ZNF723: variants seen among roughly 807,000 people sequenced by gnomAD.
ZNF723 encodes the protein zinc finger protein 723.
ZNF723 carries 5 observed loss-of-function variants against 9.4 expected under a neutral mutation model. That is an observed-to-expected ratio of 0.53 (90% CI 0.28 to 1.12). The LOEUF (loss-of-function observed/expected upper bound fraction) is 1.12, where lower values mean the gene tolerates loss of function less well. Ranked by LOEUF, ZNF723 falls within the 50% of genes most tolerant of loss-of-function variation. ZNF723 has a pLI of 0.10. For missense variants in ZNF723, 450 were observed against 501.5 expected, an observed-to-expected ratio of 0.90 and a Z score of 0.98; for synonymous variants, 158 against 168.8, an observed-to-expected ratio of 0.94 and a Z score of 0.49.
chr19:22,855,230 CTTTT>C (rs71163413), intron 3 of ZNF723, among the ~76,000 whole-genome samples: 3 of 135,242 alleles, frequency 2.2e-5, no homozygotes, highest in Non-Finnish European at 3.2e-5. Context: ...TATGTGTTTT[CTTTT>C]TTTTTTTTTT....
chr19:22,825,979 G>A, the ZNF723 span, among the ~76,000 whole-genome samples: 1 of 152,220 alleles, frequency 6.6e-6, no homozygotes, highest in African/African-American at 2.4e-5. Context: ...TGACTCTCCT[G>A]CCTTAGCCTT....
chr19:22,827,196 A>C, the ZNF723 span, among the ~76,000 whole-genome samples: 1 of 151,802 alleles, frequency 6.6e-6, no homozygotes, highest in Admixed American at 6.6e-5. Flanking sequence ...TAAATAATAG[A>C]ATTTCTTTTG....
chr19:22,828,612 TATTCC>T (rs1967062003), upstream of ZNF723, among the ~76,000 whole-genome samples: 1 of 151,908 alleles, frequency 6.6e-6, no homozygotes, highest in African/African-American at 2.4e-5. Context: ...GAGATTGTGC[TATTCC>T]ACTCCAGCCT....
the ZNF723 span, among the ~76,000 whole-genome samples, chr19:22,824,760 G>A: frequency 6.6e-6 from 1 of 152,136 alleles, no homozygotes; most frequent in South Asian, 2.1e-4. Flanking sequence ...ACATGTAAAT[G>A]CTGTTCACAG....
intron 1 of ZNF723, among the ~76,000 whole-genome samples, chr19:22,838,828 A>G (rs1047076931): frequency 2.0e-5 from 3 of 151,568 alleles, no homozygotes; most frequent in South Asian, 4.2e-4. Context: ...GCTCACCGCA[A>G]CCTCTGCCTC....
the ZNF723 span, among the ~76,000 whole-genome samples, chr19:22,813,841 T>C: frequency 6.6e-6 from 1 of 151,364 alleles, no homozygotes; most frequent in Non-Finnish European, 1.5e-5. Flanking sequence ...AGATGGAGTG[T>C]TGCTCTGTTG....
At chr19:22,823,069 C>A in the ZNF723 span, among the ~76,000 whole-genome samples, 1 of 152,184 alleles carries the variant, frequency 6.6e-6, no homozygotes, top group East Asian at 1.9e-4. Context: ...ATAGTGAGAA[C>A]TCTCACACCT....
chr19:22,819,781 C>T, the ZNF723 span, among the ~76,000 whole-genome samples: 1 of 152,248 alleles, frequency 6.6e-6, no homozygotes, highest in Non-Finnish European at 1.5e-5. Flanking sequence ...TGTGACTGTC[C>T]CATACTGGAT....
chr19:22,814,109 G>A, the ZNF723 span, among the ~76,000 whole-genome samples: 3 of 152,106 alleles, frequency 2.0e-5, no homozygotes, highest in Admixed American at 1.3e-4. Context: ...ACCACGCCCG[G>A]CCAGCAAAAC....
the ZNF723 span, among the ~76,000 whole-genome samples, chr19:22,816,513 G>A: frequency 1.3e-5 from 2 of 152,160 alleles, no homozygotes; most frequent in Admixed American, 1.3e-4. Flanking sequence ...AGGAGGTGGC[G>A]CCTCTTATAC....
intron 1 of ZNF723, chr19:22,840,710 A>G (rs1041047406): frequency 2.6e-5 from 4 of 152,130 alleles, no homozygotes; most frequent in African/African-American, 4.8e-5. Flanking sequence ...CAGAAGCCCT[A>G]TTAGTATCCC....
chr19:22,857,526 T>A lies in ZNF723; in HGVS notation c.635T>A (p.Val212Glu), dbSNP rs1349295173. Residue 212 changes from valine (V) to glutamate (E), a missense_variant, in exon 4 of 4, where the codon GTG becomes GAG. Physicochemically the swap from Val to Glu is moderately radical, Grantham distance 121. Transcript: ENST00000600766. The stretch of plus-strand genomic sequence containing the variant: ...GAAGAATGTGGCAAAGCCTTTAGTG[T>A]GCCCTCAAAGCTTAATAATCATAAG... ...KCEECGKAFS[V>E]PSKLNNHKRI... 1.6e-6 allele frequency: 2 copies of A among 1,233,954 alleles called. No individual in the cohort carries two copies. The highest frequency in any genetic ancestry group is 3.0e-5 in the African/African-American group (2 of 67,442). The allele number at this position is 1,233,954 out of a possible 1,614,324, so 76.4% of individuals were successfully genotyped here. A position where few individuals can be genotyped will look rare whatever the true frequency, so the allele number is the denominator to read the frequency against.
the ZNF723 span, among the ~76,000 whole-genome samples, chr19:22,814,212 T>G: frequency 7.3e-3 from 1,107 of 152,270 alleles, 13 homozygotes; most frequent in African/African-American, 0.026. Flanking sequence ...CTTAATTACC[T>G]TAGATGCACT....
the ZNF723 span, among the ~76,000 whole-genome samples, chr19:22,819,875 C>T: frequency 6.6e-6 from 1 of 152,260 alleles, no homozygotes; most frequent in Non-Finnish European, 1.5e-5. Flanking sequence ...CCAGGCCCTG[C>T]ATACATTGTG....
the ZNF723 span, among the ~76,000 whole-genome samples, chr19:22,818,766 T>A: frequency 6.6e-6 from 1 of 152,260 alleles, no homozygotes; most frequent in South Asian, 2.1e-4. Flanking sequence ...GCAATTATAT[T>A]TTTCTCCCTT....
intron 1 of ZNF723, among the ~76,000 whole-genome samples, chr19:22,842,167 G>A (rs1456150263): frequency 1.3e-5 from 2 of 152,132 alleles, no homozygotes; most frequent in Non-Finnish European, 2.9e-5. Context: ...ATAACAGCTG[G>A]CTAATTTTTG....
chr19:22,817,415 G>A, the ZNF723 span, among the ~76,000 whole-genome samples: 1 of 152,056 alleles, frequency 6.6e-6, no homozygotes, highest in African/African-American at 2.4e-5. Context: ...CATTATGTAT[G>A]AGATGTGACT....
the ZNF723 span, among the ~76,000 whole-genome samples, chr19:22,816,097 T>C: frequency 6.6e-6 from 1 of 152,222 alleles, no homozygotes; most frequent in Non-Finnish European, 1.5e-5. Flanking sequence ...GGAAGGATCA[T>C]GGGTCTATAT....
intron 1 of ZNF723, among the ~76,000 whole-genome samples, chr19:22,846,879 C>T (rs1286254097): frequency 8.9e-6 from 1 of 112,364 alleles, no homozygotes; most frequent in African/African-American, 3.4e-5. Flanking sequence ...GCTGGGATTA[C>T]AGGCATGAGC....
Sources: allele counts gnomAD v4.1 joint callset (sites outside exome capture counted in the v4.1 genomes callset), GRCh38; gene constraint gnomAD v4.1.1; transcripts MANE v1.5; gene names NCBI Gene and HGNC (gene_info 2026-07-23, HGNC 2026-07-21).